RAB6A: variants seen among roughly 807,000 people sequenced by gnomAD.
The protein encoded by RAB6A is ras-related protein Rab-6A.
In RAB6A, 8 loss-of-function variants were observed where a neutral mutation model predicts 32.3. The observed-to-expected ratio is 0.25, with a 90% CI of 0.15 to 0.45. The LOEUF is 0.45. Ranked by LOEUF, RAB6A falls within the 20% of genes least tolerant of loss-of-function variation. RAB6A has a pLI of 1.00. For synonymous variants in RAB6A, 73 were observed against 82.1 expected (o/e 0.89, Z 0.60); for missense variants, 104 against 249.4 (o/e 0.42, Z 3.93).
At chr11:73,717,508 G>C (rs186931728) in intron 4 of RAB6A, among the ~76,000 whole-genome samples, 1 of 152,158 alleles carries the variant, frequency 6.6e-6, no homozygotes, top group African/African-American at 2.4e-5. Context: ...GCAATGGCAC[G>C]GTCTTGGCTC....
chr11:73,723,677 A>G (rs1243370379), intron 2 of RAB6A, among the ~76,000 whole-genome samples: 6 of 152,196 alleles, frequency 3.9e-5, no homozygotes, highest in Non-Finnish European at 7.3e-5. Context: ...TTAGCAGCTG[A>G]GAATCCTGTG....
intron 6 of RAB6A, among the ~76,000 whole-genome samples, chr11:73,704,456 A>G (rs1019128744): frequency 1.1e-4 from 17 of 151,726 alleles, no homozygotes; most frequent in African/African-American, 3.9e-4. Context: ...AGACCGAGGC[A>G]GGCAGATCAC....
At chr11:73,757,095 A>G (rs1266885472) in intron 1 of RAB6A, among the ~76,000 whole-genome samples, 1 of 81,590 alleles carries the variant, frequency 1.2e-5, no homozygotes, top group Non-Finnish European at 2.3e-5. Flanking sequence ...TTAAATATAC[A>G]TACATATATA....
rs528868300 is a variant in RAB6A, at chr11:73,710,714, G to T, written c.402-3201C>A. ...GTTGTGCTATTGCACTCCAGCCTGG[G>T]CAACAGAGAGAGACTCAGTCTTGAA... On this transcript the variant is annotated intron_variant, in intron 5 of 7. Transcript: ENST00000336083. Among the ~76,000 whole-genome samples, 10 of 151,710 alleles carry T rather than the reference G, an allele frequency of 6.6e-5. No individual in the cohort carries two copies. In the East Asian group the frequency reaches 1.9e-3, roughly 29 times the overall value.
chr11:73,759,938 ACCACCC>A, intron 1 of RAB6A: 1 of 956,314 alleles, frequency 1.0e-6, no homozygotes, highest in Admixed American at 2.6e-5. Flanking sequence ...TTCACCCCCA[ACCACCC>A]CATGCTCAAG....
In RAB6A at chr11:73,693,556, C is replaced by CTT. The variant is rs891656563; in HGVS notation, c.496-13838_496-13837dup. 7.4e-3 allele frequency among the ~76,000 whole-genome samples: 885 copies of CTT among 119,016 alleles called. 12 individuals carry two copies. Among genetic ancestry groups the CTT allele is most frequent in the African/African-American group, 0.023 (752 of 32,240 alleles). The allele number at this position is 119,016 out of a possible 152,430, so 78.1% of individuals were successfully genotyped here. On this transcript the variant is annotated intron_variant, in intron 6 of 7. Coordinates refer to ENST00000336083, the MANE Select transcript of RAB6A (RefSeq NM_198896.2). ...CCTGGGCAACATAGCAAGACTCCAT[C>CTT]TTTTTTTTTTTTTTTTTTTTTTAAA...
intron 1 of RAB6A, among the ~76,000 whole-genome samples, chr11:73,736,905 GA>G (rs1473255615): frequency 6.8e-6 from 1 of 146,704 alleles, no homozygotes; most frequent in Non-Finnish European, 1.5e-5. Flanking sequence ...TTGAGCCCAG[GA>G]GGTCAAAGCT....
chr11:73,709,962 T>A (rs969380077), intron 5 of RAB6A, among the ~76,000 whole-genome samples: 1 of 132,784 alleles, frequency 7.5e-6, no homozygotes, highest in Non-Finnish European at 1.6e-5. Context: ...TATATATATA[T>A]TTTTTTTTTT....
At chr11:73,696,209 T>A (rs899314374) in intron 6 of RAB6A, among the ~76,000 whole-genome samples, 2 of 152,108 alleles carry the variant, frequency 1.3e-5, no homozygotes, top group Admixed American at 1.3e-4. Flanking sequence ...TATTTTTATT[T>A]TTATTGAGAC....
chr11:73,746,944 T>C (rs1420491742), intron 1 of RAB6A, among the ~76,000 whole-genome samples: 1 of 152,158 alleles, frequency 6.6e-6, no homozygotes, highest in Non-Finnish European at 1.5e-5. Context: ...TTTTTGTTGT[T>C]GTTGTTTTTG....
chr11:73,703,745 A>C (rs1945785650), intron 6 of RAB6A, among the ~76,000 whole-genome samples: 1 of 151,026 alleles, frequency 6.6e-6, no homozygotes, highest in African/African-American at 2.4e-5. Context: ...TCTAAAAAAA[A>C]CCCAAAACAA....
chr11:73,754,464 T>C (rs1946715438), intron 1 of RAB6A, among the ~76,000 whole-genome samples: 1 of 152,226 alleles, frequency 6.6e-6, no homozygotes, highest in South Asian at 2.1e-4. Context: ...TCCCCGTGCC[T>C]ATATGATGTG....
intron 6 of RAB6A, among the ~76,000 whole-genome samples, chr11:73,681,618 G>A (rs1264213595): frequency 6.6e-6 from 1 of 152,182 alleles, no homozygotes; most frequent in African/African-American, 2.4e-5. Context: ...AGACCAGCCT[G>A]GCCAACATGG....
chr11:73,749,444 A>C (rs929774891), intron 1 of RAB6A, among the ~76,000 whole-genome samples: 1 of 152,176 alleles, frequency 6.6e-6, no homozygotes, highest in Non-Finnish European at 1.5e-5. Context: ...AAATCTCATA[A>C]ATCACCACTA....
intron 7 of RAB6A, among the ~76,000 whole-genome samples, chr11:73,678,638 C>T (rs1171322004): frequency 2.0e-5 from 3 of 151,346 alleles, no homozygotes; most frequent in Admixed American, 6.6e-5. Context: ...GCGGTGGGCG[C>T]GGGGACATAC....
chr11:73,706,600 T>G lies in RAB6A; in HGVS notation c.495+820A>C, dbSNP rs139340544. On this transcript the variant is annotated intron_variant, in intron 6 of 7. Coordinates refer to ENST00000336083, the MANE Select transcript of RAB6A (RefSeq NM_198896.2). ...ATATACAGCCTTGAAGAGTTAAGCA[T>G]GTGAGTCTCTGGCTGACCTATCTTG... Among the ~76,000 whole-genome samples, 7 of 152,192 alleles carry G rather than the reference T, an allele frequency of 4.6e-5. No homozygotes were observed. In the East Asian group the frequency reaches 1.4e-3, roughly 29 times the overall value.
At chr11:73,747,071 C>T (rs1946599730) in intron 1 of RAB6A, among the ~76,000 whole-genome samples, 1 of 151,440 alleles carries the variant, frequency 6.6e-6, no homozygotes. Flanking sequence ...GGATTACAGA[C>T]ATGAGCCACC....
At chr11:73,724,469 T>C (rs189063576) in intron 2 of RAB6A, among the ~76,000 whole-genome samples, 154 of 151,428 alleles carry the variant, frequency 1.0e-3, no homozygotes, top group Non-Finnish European at 1.3e-4. Context: ...GATCATGTTT[T>C]CCTAAATGCA....
rs1215908367 is a variant in RAB6A, at chr11:73,759,935, C to T, written c.70+631G>A. On this transcript the variant is annotated intron_variant, in intron 1 of 7. Coordinates refer to ENST00000336083, the MANE Select transcript of RAB6A (RefSeq NM_198896.2). ...ACTGCCGACGCTACCCCTTTCACCC[C>T]CAACCACCCCATGCTCAAGTCGTCT... 41 of 981,460 alleles carry T rather than the reference C, an allele frequency of 4.2e-5. 1 individual carries two copies. The South Asian group carries it at 6.1e-4, about 15-fold the overall frequency. The allele number at this position is 981,460 out of a possible 1,614,324, so 60.8% of individuals were successfully genotyped here. A position where few individuals can be genotyped will look rare whatever the true frequency, so the allele number is the denominator to read the frequency against.
Sources: gnomAD v4.1 joint callset for allele counts (sites outside exome capture counted in the v4.1 genomes callset) on GRCh38, gnomAD v4.1.1 for gene constraint, MANE v1.5 for transcripts, NCBI Gene and HGNC (gene_info 2026-07-23, HGNC 2026-07-21) for gene names.